The following KCND2 variants were observed in gnomAD, a reference collection of about 807,000 sequenced individuals.
KCND2 encodes potassium voltage-gated channel subfamily D member 2.
A neutral mutation model predicts 54.4 loss-of-function variants in KCND2; 16 were observed. That is an observed-to-expected ratio of 0.29 (90% CI 0.20 to 0.45). KCND2 has a LOEUF of 0.45. KCND2 is among the 20% of genes least tolerant of loss of function. KCND2 has a pLI of 1.00. For synonymous variants in KCND2, 317 were observed against 310.7 expected, an observed-to-expected ratio of 1.02 and a Z score of -0.21; for missense variants, 486 against 824.2, an observed-to-expected ratio of 0.59 and a Z score of 5.02.
intron 1 of KCND2, among the ~76,000 whole-genome samples, chr7:120,468,662 A>G (rs1462075548): frequency 6.6e-6 from 1 of 152,162 alleles, no homozygotes; most frequent in Non-Finnish European, 1.5e-5. Context: ...AAGCCTATCT[A>G]TATGCCACGA....
Position 120,522,188 on chromosome 7 carries a change from T to C in KCND2, c.1116-210715T>C, listed in dbSNP as rs548292739. ...CCATTTGTCCCTTTTGTCCTCATCCTGTTGGCAGGAAGTGAAATTATTTTC... is the reference window on the plus strand; with the variant it reads ...CCATTTGTCCCTTTTGTCCTCATCCCGTTGGCAGGAAGTGAAATTATTTTC... On this transcript the variant is annotated intron_variant, in intron 1 of 5. Transcript: ENST00000331113. Among the ~76,000 whole-genome samples, 18 of 152,316 alleles carry C rather than the reference T, an allele frequency of 1.2e-4. No individual in the cohort carries two copies. In the South Asian group the frequency reaches 3.5e-3, roughly 30 times the overall value.
intron 1 of KCND2, among the ~76,000 whole-genome samples, chr7:120,642,202 A>G (rs952686826): frequency 2.6e-5 from 4 of 152,144 alleles, no homozygotes; most frequent in Non-Finnish European, 4.4e-5. Flanking sequence ...TCAAAGAGGA[A>G]TCTGTATCCA....
At chr7:120,340,610 G>A (rs1028236301) in intron 1 of KCND2, among the ~76,000 whole-genome samples, 3 of 152,160 alleles carry the variant, frequency 2.0e-5, no homozygotes, top group African/African-American at 7.2e-5. Context: ...AGTATATCAA[G>A]GACAATGGAC....
chr7:120,710,715 G>A (rs1217952981), intron 1 of KCND2, among the ~76,000 whole-genome samples: 1 of 152,044 alleles, frequency 6.6e-6, no homozygotes, highest in Non-Finnish European at 1.5e-5. Flanking sequence ...AATTAAACAA[G>A]TTTTTAGGTC....
At chr7:120,693,474 T>C (rs766201968) in intron 1 of KCND2, among the ~76,000 whole-genome samples, 1 of 152,048 alleles carries the variant, frequency 6.6e-6, no homozygotes, top group Admixed American at 6.6e-5. Flanking sequence ...GGGAAGTATT[T>C]TTATTTTTAA....
intron 1 of KCND2, among the ~76,000 whole-genome samples, chr7:120,453,110 T>C (rs1311873006): frequency 6.6e-6 from 1 of 152,174 alleles, no homozygotes; most frequent in Non-Finnish European, 1.5e-5. Context: ...TATTGCAGCC[T>C]GCACCATGCC....
intron 1 of KCND2, among the ~76,000 whole-genome samples, chr7:120,403,694 T>G (rs1801303033): frequency 6.6e-6 from 1 of 151,972 alleles, no homozygotes; most frequent in Admixed American, 6.6e-5. Context: ...TTAATTTAAT[T>G]AAAACAACAT....
intron 1 of KCND2, among the ~76,000 whole-genome samples, chr7:120,583,792 G>A (rs1792552250): frequency 6.8e-6 from 1 of 147,610 alleles, no homozygotes; most frequent in South Asian, 2.2e-4. Context: ...TGTGGGGGGG[G>A]GGACAAAATT....
chr7:120,566,997 G>A (rs931590794), intron 1 of KCND2, among the ~76,000 whole-genome samples: 1 of 151,792 alleles, frequency 6.6e-6, no homozygotes, highest in Non-Finnish European at 1.5e-5. Flanking sequence ...CATTTTGTCT[G>A]TGTATAAACC....
At chr7:120,546,500 C>T (rs1188218540) in intron 1 of KCND2, among the ~76,000 whole-genome samples, 1 of 151,878 alleles carries the variant, frequency 6.6e-6, no homozygotes, top group Non-Finnish European at 1.5e-5. Flanking sequence ...ATCCAAGACT[C>T]AAAACATTTA....
chr7:120,387,430 A>G (rs1301456561), intron 1 of KCND2, among the ~76,000 whole-genome samples: 2 of 152,072 alleles, frequency 1.3e-5, no homozygotes, highest in Non-Finnish European at 2.9e-5. Context: ...GAGTATTTTT[A>G]ATCATTATTT....
intron 1 of KCND2, among the ~76,000 whole-genome samples, chr7:120,325,197 T>G (rs1172433140): frequency 2.9e-4 from 28 of 95,370 alleles, no homozygotes; most frequent in African/African-American, 1.0e-3. Flanking sequence ...AAGGAGATTT[T>G]GGGCTAAGAG....
chr7:120,624,780 CA>C (rs72112527), intron 1 of KCND2, among the ~76,000 whole-genome samples: 397 of 121,752 alleles, frequency 3.3e-3, no homozygotes, highest in Middle Eastern at 5.2e-3. Context: ...GACCCTGTCT[CA>C]AAAAAAAAAA....
At chr7:120,488,800 A>G (rs1043490643) in intron 1 of KCND2, among the ~76,000 whole-genome samples, 1 of 152,066 alleles carries the variant, frequency 6.6e-6, no homozygotes, top group Non-Finnish European at 1.5e-5. Context: ...TTTAAATGAA[A>G]GTAATATACA....
At chr7:120,701,241 A>T (rs1040820456) in intron 1 of KCND2, among the ~76,000 whole-genome samples, 2 of 15,618 alleles carry the variant, frequency 1.3e-4, no homozygotes, top group Admixed American at 6.9e-4. Context: ...ATGCCTAGCT[A>T]AAAAAAAAAA....
At chr7:120,681,379 A>T (rs1434941643) in intron 1 of KCND2, among the ~76,000 whole-genome samples, 1 of 152,056 alleles carries the variant, frequency 6.6e-6, no homozygotes, top group African/African-American at 2.4e-5. Context: ...GATGATTTTG[A>T]TGGAGGAATG....
At chr7:120,336,615 TAA>T (rs1376595808) in intron 1 of KCND2, among the ~76,000 whole-genome samples, 2 of 152,190 alleles carry the variant, frequency 1.3e-5, no homozygotes. Flanking sequence ...ATGAAGCCAG[TAA>T]AGTCCTTCTC....
At chr7:120,740,684 A>G (rs1792928861) in intron 2 of KCND2, among the ~76,000 whole-genome samples, 2 of 152,138 alleles carry the variant, frequency 1.3e-5, no homozygotes, top group Admixed American at 1.3e-4. Context: ...TAAAGGAACA[A>G]TTGAACTGGC....
chr7:120,419,842 G>A (rs1801584636), intron 1 of KCND2, among the ~76,000 whole-genome samples: 1 of 151,916 alleles, frequency 6.6e-6, no homozygotes, highest in Non-Finnish European at 1.5e-5. Context: ...TCAGGCTTTT[G>A]GAACCAGATT....
Sources: gnomAD v4.1 joint callset for allele counts (sites outside exome capture counted in the v4.1 genomes callset) on GRCh38, gnomAD v4.1.1 for gene constraint, MANE v1.5 for transcripts, NCBI Gene and HGNC (gene_info 2026-07-23, HGNC 2026-07-21) for gene names.